CCDC192: variants seen among roughly 807,000 people sequenced by gnomAD.
CCDC192 encodes the protein coiled-coil domain containing 192, also known as coiled-coil domain-containing protein 192.
intron 5 of CCDC192, among the ~76,000 whole-genome samples, chr5:127,800,376 G>GAAAAAAAAAAA (rs1168212422): frequency 2.5e-3 from 49 of 19,498 alleles, no homozygotes; most frequent in South Asian, 5.9e-3. Flanking sequence ...GAGGTATTCT[G>GAAAAAAAAAAA]AAAAAAAAAA....
chr5:127,826,823 A>C (rs1749554963), intron 5 of CCDC192, among the ~76,000 whole-genome samples: 1 of 152,026 alleles, frequency 6.6e-6, no homozygotes, highest in African/African-American at 2.4e-5. Context: ...AATATTTGTT[A>C]AAAAGAAAGA....
At chr5:127,739,990 C>G (rs756767038) in intron 2 of CCDC192, 2 of 152,600 alleles carry the variant, frequency 1.3e-5, no homozygotes, top group Non-Finnish European at 2.9e-5. Flanking sequence ...GTGTGTCTGA[C>G]TTGGTGGAGT....
At chr5:127,762,398 A>G (rs1754979554) in intron 3 of CCDC192, among the ~76,000 whole-genome samples, 1 of 152,204 alleles carries the variant, frequency 6.6e-6, no homozygotes, top group African/African-American at 2.4e-5. Context: ...AAAAAACAAA[A>G]CAAAATCCAA....
chr5:127,934,728 G>A (rs758318634), intron 6 of CCDC192, among the ~76,000 whole-genome samples: 1 of 152,190 alleles, frequency 6.6e-6, no homozygotes, highest in Non-Finnish European at 1.5e-5. Context: ...CTAGAGGATA[G>A]AAAACCTAAA....
chr5:127,862,928 TAAAAAAAAA>T (rs34046354), intron 5 of CCDC192, among the ~76,000 whole-genome samples: 1 of 134,314 alleles, frequency 7.4e-6, no homozygotes, highest in African/African-American at 2.8e-5. Flanking sequence ...TTCCTTTATT[TAAAAAAAAA>T]AAAAAAAAAA....
intron 2 of CCDC192, among the ~76,000 whole-genome samples, chr5:127,718,810 A>T (rs1224258291): frequency 2.0e-5 from 3 of 152,192 alleles, no homozygotes. Context: ...ATAAGATGAA[A>T]TATTTTGATA....
chr5:127,925,029 T>C (rs1753826104), intron 6 of CCDC192, among the ~76,000 whole-genome samples: 3 of 152,210 alleles, frequency 2.0e-5, no homozygotes, highest in Admixed American at 2.0e-4. Flanking sequence ...TCAACAAATA[T>C]ATAAAACAAA....
At chr5:127,797,713 A>G (rs867069035) in intron 4 of CCDC192, among the ~76,000 whole-genome samples, 156 of 144,090 alleles carry the variant, frequency 1.1e-3, no homozygotes, top group African/African-American at 3.6e-3. Flanking sequence ...GAATATATGG[A>G]TATGATTTCA....
intron 5 of CCDC192, among the ~76,000 whole-genome samples, chr5:127,859,184 A>G (rs1261181050): frequency 6.6e-6 from 1 of 152,222 alleles, no homozygotes; most frequent in Non-Finnish European, 1.5e-5. Context: ...GACAAACTCT[A>G]AATTGTAGAA....
At chr5:127,756,206 C>T (rs563754391) in intron 3 of CCDC192, among the ~76,000 whole-genome samples, 1 of 152,074 alleles carries the variant, frequency 6.6e-6, no homozygotes, top group South Asian at 2.1e-4. Context: ...ATGTAACCAC[C>T]CAATCAATGG....
chr5:127,936,591 G>A (rs1478154808), intron 6 of CCDC192, among the ~76,000 whole-genome samples: 4 of 67,270 alleles, frequency 5.9e-5, no homozygotes, highest in Non-Finnish European at 1.3e-4. Flanking sequence ...GAAGAAAGAG[G>A]GAAAATGATG....
intron 6 of CCDC192, among the ~76,000 whole-genome samples, chr5:127,879,621 A>C (rs1360753857): frequency 1.9e-5 from 1 of 53,778 alleles, no homozygotes; most frequent in East Asian, 3.9e-4. Flanking sequence ...TCTGCACAGC[A>C]AAAGAAACTA....
chr5:127,857,123 A>G (rs2127096664), intron 5 of CCDC192, among the ~76,000 whole-genome samples: 1 of 152,330 alleles, frequency 6.6e-6, no homozygotes, highest in East Asian at 1.9e-4. Context: ...AAGCCTCTCA[A>G]ATAATTCAAC....
At chr5:127,917,965 C>T (rs907373011) in intron 6 of CCDC192, among the ~76,000 whole-genome samples, 4 of 151,956 alleles carry the variant, frequency 2.6e-5, no homozygotes, top group African/African-American at 9.7e-5. Context: ...TATAGTGAGA[C>T]CTCGTCTCTA....
chr5:127,712,901 A>G (rs372891604), intron 2 of CCDC192, among the ~76,000 whole-genome samples: 2 of 152,172 alleles, frequency 1.3e-5, no homozygotes, highest in African/African-American at 2.4e-5. Context: ...TAGTTCGTCT[A>G]CATTCTTTGC....
chr5:127,753,800 G>A (rs1754400431), intron 2 of CCDC192, among the ~76,000 whole-genome samples: 1 of 152,110 alleles, frequency 6.6e-6, no homozygotes. Context: ...TAAAACATGT[G>A]GTATCTTTGC....
At position 127,922,179 on chromosome 5, in the gene CCDC192, G is replaced by A. The variant is rs564562130; in HGVS notation, c.536-19003G>A. ...AACAACCAGCTTCTTATTCTGCTTA[G>A]AATTTTGATACAGTTGTGACTTTCC... is the stretch of plus-strand genomic sequence containing the variant. On this transcript the variant is annotated intron_variant, in intron 6 of 6. Coordinates refer to ENST00000514853, the MANE Select transcript of CCDC192 (RefSeq NM_001317938.2). Among the ~76,000 whole-genome samples, 15 of 152,248 alleles carry A rather than the reference G, an allele frequency of 9.9e-5. 1 individual carries two copies. The South Asian group carries it at 2.9e-3, about 29-fold the overall frequency.
intron 6 of CCDC192, among the ~76,000 whole-genome samples, chr5:127,904,791 C>T (rs1230802102): frequency 1.3e-5 from 2 of 152,020 alleles, no homozygotes; most frequent in African/African-American, 4.8e-5. Context: ...TGTGAGCCAC[C>T]GCACTTGGCC....
intron 5 of CCDC192, among the ~76,000 whole-genome samples, chr5:127,804,907 C>T (rs531338464): frequency 2.7e-4 from 41 of 152,278 alleles, no homozygotes; most frequent in African/African-American, 5.3e-4. Context: ...ACATTGTCCC[C>T]GACCAGCATT....
Sources: gnomAD v4.1 joint callset for allele counts (sites outside exome capture counted in the v4.1 genomes callset) on GRCh38, gnomAD v4.1.1 for gene constraint, MANE v1.5 for transcripts, NCBI Gene and HGNC (gene_info 2026-07-23, HGNC 2026-07-21) for gene names.